The following MAP3K14 variants were observed in gnomAD, a reference collection of about 807,000 sequenced individuals.
MAP3K14 encodes NF-kappa-beta-inducing kinase.
In MAP3K14, 16 loss-of-function variants were observed where a neutral mutation model predicts 99.2. The observed-to-expected ratio is 0.16, with a 90% CI of 0.11 to 0.24. The LOEUF (loss-of-function observed/expected upper bound fraction) is 0.24, where lower values mean the gene tolerates loss of function less well. MAP3K14 is among the 10% of genes least tolerant of loss of function. MAP3K14 has a pLI of 1.00. For synonymous variants in MAP3K14, 462 were observed against 492.4 expected (o/e 0.94, Z 0.82); for missense variants, 784 against 1,208.7 (o/e 0.65, Z 5.21).
At chr17:45,268,857 T>A (rs2143777054) in intron 11 of MAP3K14, among the ~76,000 whole-genome samples, 1 of 152,186 alleles carries the variant, frequency 6.6e-6, no homozygotes. Flanking sequence ...AAGTCCTTGG[T>A]CTCAGTCTGC....
rs1353820353 is a variant in MAP3K14 at position 45,286,614 on chromosome 17, C to G, written c.969G>C (p.Leu323=). ...LPGPHLEPSC[L]SRGAHEKFSV... ...AAAACTTCTCATGGGCACCACGAGA[C>G]AGGCAGCTGGGCTCCAGGTGTGGGC... Residue 323 remains leucine (L), a synonymous_variant, in exon 5 of 16, where the codon CTG becomes CTC. Transcript: ENST00000344686. The surrounding 1 kb of genome is among the most constrained non-coding windows in gnomAD (Gnocchi z 4.1). The G allele has an allele frequency of 3.7e-6, 6 of 1,611,278 alleles. No individual in the cohort carries two copies. The highest frequency in any genetic ancestry group is 1.7e-4 in the Middle Eastern group (1 of 6,058).
chr17:45,306,781 A>T (rs2044433816), intron 1 of MAP3K14, among the ~76,000 whole-genome samples: 2 of 152,230 alleles, frequency 1.3e-5, no homozygotes, highest in African/African-American at 4.8e-5. Flanking sequence ...TCAACCTTCA[A>T]ATCCTTTGCA....
chr17:45,289,946 C>A (rs1269282500), intron 2 of MAP3K14, among the ~76,000 whole-genome samples: 2 of 152,180 alleles, frequency 1.3e-5, no homozygotes, highest in Non-Finnish European at 2.9e-5. Context: ...CCAAGGGAAG[C>A]CACCATTACT....
intron 6 of MAP3K14, among the ~76,000 whole-genome samples, chr17:45,282,554 C>A (rs1163985511): frequency 1.4e-3 from 169 of 123,568 alleles, no homozygotes; most frequent in South Asian, 2.2e-3. Context: ...GATCCTGTCT[C>A]AAAAAAAAAA....
chr17:45,303,731 T>C (rs556192395), intron 1 of MAP3K14, among the ~76,000 whole-genome samples: 27 of 151,734 alleles, frequency 1.8e-4, no homozygotes, highest in Non-Finnish European at 3.4e-4. Flanking sequence ...TATAAACATA[T>C]AGTTTGGGAC....
intron 5 of MAP3K14, among the ~76,000 whole-genome samples, chr17:45,285,631 A>G (rs756908800): frequency 6.6e-6 from 1 of 151,792 alleles, no homozygotes; most frequent in Non-Finnish European, 1.5e-5. Flanking sequence ...GTCTCAAAAC[A>G]AAACAAAACA....
intron 1 of MAP3K14, among the ~76,000 whole-genome samples, chr17:45,299,517 G>C (rs981673531): frequency 6.6e-6 from 1 of 152,150 alleles, no homozygotes; most frequent in Non-Finnish European, 1.5e-5. Context: ...TCCCTCAGGC[G>C]GAGAAGGAGA....
At chr17:45,300,810 A>G (rs1046282893) in intron 1 of MAP3K14, among the ~76,000 whole-genome samples, 2 of 152,072 alleles carry the variant, frequency 1.3e-5, no homozygotes, top group African/African-American at 4.8e-5. Context: ...TTTTGTGTGC[A>G]CAACTCACAG....
At chr17:45,311,066 C>G (rs2044474081) in intron 1 of MAP3K14, among the ~76,000 whole-genome samples, 1 of 152,248 alleles carries the variant, frequency 6.6e-6, no homozygotes, top group East Asian at 1.9e-4. Context: ...CAGCAGAGTA[C>G]AGTGAAGAGT....
chr17:45,313,564 G>C (rs1488701395), intron 1 of MAP3K14, among the ~76,000 whole-genome samples: 1 of 152,204 alleles, frequency 6.6e-6, no homozygotes, highest in Non-Finnish European at 1.5e-5. Context: ...GACAGCCTCA[G>C]CCACCACATG....
At chr17:45,292,577 A>C (rs1034894354) in intron 1 of MAP3K14, among the ~76,000 whole-genome samples, 3 of 152,072 alleles carry the variant, frequency 2.0e-5, no homozygotes, top group South Asian at 2.1e-4. Flanking sequence ...AGAAAAAAAA[A>C]GTCTAAGGGG....
At chr17:45,297,716 C>CTTT (rs34809589) in intron 1 of MAP3K14, among the ~76,000 whole-genome samples, 14 of 110,952 alleles carry the variant, frequency 1.3e-4, no homozygotes, top group South Asian at 8.5e-4. Flanking sequence ...TGGTTTAAAT[C>CTTT]TTTTTTTTTT....
At chr17:45,309,940 A>C (rs1387154764) in intron 1 of MAP3K14, among the ~76,000 whole-genome samples, 1 of 151,822 alleles carries the variant, frequency 6.6e-6, no homozygotes, top group Non-Finnish European at 1.5e-5. Flanking sequence ...CTGCCTCTCC[A>C]GGCACAGCAT....
In MAP3K14 at chr17:45,286,818, C is replaced by T. The variant is rs757369234; in HGVS notation, c.765G>A (p.Thr255=). Residue 255 remains threonine, a synonymous_variant, in exon 5 of 16, where the codon ACG becomes ACA. Transcript: ENST00000344686. The surrounding 1 kb of genome is among the most constrained non-coding windows in gnomAD (Gnocchi z 4.1). ...PQDGGPLPLP[T]HPFPYSRLPH... is the part of the protein sequence containing the mutation. ...GCAGTCTGCTATAGGGGAAGGGGTGCGTGGGCAGGGGCAGGGGGCCTCCGT... is the reference window on the plus strand; with the variant it reads ...GCAGTCTGCTATAGGGGAAGGGGTGTGTGGGCAGGGGCAGGGGGCCTCCGT... The T allele has an allele frequency of 6.2e-6, 10 of 1,612,684 alleles. No homozygotes were observed. The highest frequency in any genetic ancestry group is 3.3e-5 in the Admixed American group (2 of 59,910).
chr17:45,292,223 T>C (rs912629498), intron 1 of MAP3K14, among the ~76,000 whole-genome samples: 1 of 152,170 alleles, frequency 6.6e-6, no homozygotes. Flanking sequence ...AAACGCCAGA[T>C]GCTGAGGAGG....
chr17:45,316,913 C>T (rs973559858), intron 1 of MAP3K14, 47 bp downstream of exon 1: 17 of 152,096 alleles, frequency 1.1e-4, no homozygotes, highest in African/African-American at 4.1e-4. Flanking sequence ...CCCAGCCGCT[C>T]CCTGGTCGCC....
At position 45,274,593 on chromosome 17, in the gene MAP3K14, C is replaced by A; in HGVS notation, c.1291G>T (p.Val431Leu). The A allele has an allele frequency of 6.2e-7, 1 of 1,613,282 alleles. No individual in the cohort carries two copies. Among genetic ancestry groups the A allele is most frequent in the Non-Finnish European group, 8.5e-7 (1 of 1,179,752 alleles). The change falls in exon 7 of 16, where the codon GTG becomes TTG. Residue 431 changes from valine (V) to leucine (L), a missense_variant and splice_region_variant. By Grantham distance (32) the Val-to-Leu change is conservative. Coordinates refer to ENST00000344686, the MANE Select transcript of MAP3K14 (RefSeq NM_003954.5). Reference protein sequence around the residue: ...QTGFQCAVKKVRLEVFRAEEL... With the variant: ...QTGFQCAVKKLRLEVFRAEEL... ...TCTGCCCGAAATACTTCCAGCCGCA[C>A]CTGCAAGGGCCCAGAGGCAGCTGTT...
intron 11 of MAP3K14, chr17:45,268,213 C>T (rs1176538258): frequency 2.5e-5 from 4 of 158,080 alleles, no homozygotes; most frequent in African/African-American, 7.2e-5. Context: ...TAGTTCAGCC[C>T]TGGGACCACC....
intron 1 of MAP3K14, among the ~76,000 whole-genome samples, chr17:45,307,649 G>C (rs1164453262): frequency 6.6e-6 from 1 of 152,196 alleles, no homozygotes; most frequent in African/African-American, 2.4e-5. Context: ...TCTGGGTTTA[G>C]AAATCTGGTT....
Sources: allele counts gnomAD v4.1 joint callset (sites outside exome capture counted in the v4.1 genomes callset), GRCh38; gene constraint gnomAD v4.1.1; non-coding constraint Gnocchi (gnomAD v3.1); transcripts MANE v1.5; gene names NCBI Gene and HGNC (gene_info 2026-07-23, HGNC 2026-07-21).